The following EXOC6B variants were observed in gnomAD, a reference collection of about 807,000 sequenced individuals.
The protein encoded by EXOC6B is exocyst complex component 6B.
A neutral mutation model predicts 113.5 loss-of-function variants in EXOC6B; 54 were observed. The observed-to-expected ratio is 0.48, with a 90% CI of 0.38 to 0.60. The LOEUF (loss-of-function observed/expected upper bound fraction) is 0.60. EXOC6B is among the 20% of genes least tolerant of loss of function. The pLI, the probability that EXOC6B is intolerant of heterozygous loss-of-function variation, is 0.00. For missense variants in EXOC6B, 797 were observed against 977.5 expected, an observed-to-expected ratio of 0.82 and a Z score of 2.46; for synonymous variants, 357 against 339.0, an observed-to-expected ratio of 1.05 and a Z score of -0.58.
At chr2:72,756,826 G>A (rs1257604606) in intron 1 of EXOC6B, among the ~76,000 whole-genome samples, 1 of 151,994 alleles carries the variant, frequency 6.6e-6, no homozygotes, top group Non-Finnish European at 1.5e-5. Context: ...AAAAGGATGA[G>A]GGAAAGGAAA....
chr2:72,675,384 T>G (rs546030005), intron 6 of EXOC6B, among the ~76,000 whole-genome samples: 3 of 152,248 alleles, frequency 2.0e-5, no homozygotes, highest in Non-Finnish European at 4.4e-5. Context: ...TAAATGACTG[T>G]GCAAACTGGA....
At chr2:72,637,934 T>C (rs1201936464) in intron 6 of EXOC6B, among the ~76,000 whole-genome samples, 1 of 151,842 alleles carries the variant, frequency 6.6e-6, no homozygotes, top group Non-Finnish European at 1.5e-5. Context: ...CAAAAAAATC[T>C]AACCATGCAT....
intron 11 of EXOC6B, among the ~76,000 whole-genome samples, chr2:72,501,100 A>G (rs939145400): frequency 1.3e-5 from 2 of 152,156 alleles, no homozygotes; most frequent in Non-Finnish European, 2.9e-5. Context: ...TAATATATGA[A>G]TATCTCCTAT....
intron 18 of EXOC6B, among the ~76,000 whole-genome samples, chr2:72,418,054 TACC>T (rs1694642976): frequency 6.6e-6 from 1 of 152,182 alleles, no homozygotes. Context: ...TTTTCTATCT[TACC>T]ACAGTTTCTT....
intron 20 of EXOC6B, among the ~76,000 whole-genome samples, chr2:72,234,368 G>C (rs62147600): frequency 0.038 from 5,837 of 152,072 alleles, 136 homozygotes; most frequent in Non-Finnish European, 0.051. Flanking sequence ...CAGGTGTGAG[G>C]CACTGCGCCC....
rs574094256 is a variant in EXOC6B, at chr2:72,178,411, A to G, written c.*924T>C. The G allele has an allele frequency of 6.6e-6, 1 of 152,364 alleles. No individual in the cohort carries two copies. The highest frequency in any genetic ancestry group is 1.9e-4 in the East Asian group (1 of 5,186). 9.4% of individuals were successfully genotyped at this position (152,364 alleles called of 1,614,324 possible). ...CCATTTTTAGGCTTCCGAAATCTGA[A>G]CTATTTCAATGGCATTACTGGAGGA... is the stretch of plus-strand genomic sequence containing the variant. On this transcript the variant is annotated 3_prime_UTR_variant, in exon 22 of 22. Coordinates refer to ENST00000272427, the MANE Select transcript of EXOC6B (RefSeq NM_015189.3).
intron 1 of EXOC6B, among the ~76,000 whole-genome samples, chr2:72,763,727 T>C (rs986755254): frequency 6.6e-6 from 1 of 152,108 alleles, no homozygotes; most frequent in African/African-American, 2.4e-5. Context: ...CCCAGCCCAA[T>C]TTGAACTTTT....
At chr2:72,245,920 A>T (rs902717987) in intron 20 of EXOC6B, among the ~76,000 whole-genome samples, 2 of 152,234 alleles carry the variant, frequency 1.3e-5, no homozygotes, top group Non-Finnish European at 2.9e-5. Flanking sequence ...AGAATGATTT[A>T]AAAAACAAAA....
At chr2:72,350,221 C>T (rs1436291010) in intron 19 of EXOC6B, among the ~76,000 whole-genome samples, 6 of 151,950 alleles carry the variant, frequency 3.9e-5, no homozygotes, top group Admixed American at 3.3e-4. Context: ...TATTAAAGAC[C>T]GTTTTTGATA....
chr2:72,518,454 G>A (rs1419064884), intron 8 of EXOC6B, among the ~76,000 whole-genome samples: 2 of 150,924 alleles, frequency 1.3e-5, no homozygotes, highest in African/African-American at 4.9e-5. Flanking sequence ...ATATTAAAAT[G>A]AACTACAGAA....
intron 1 of EXOC6B, among the ~76,000 whole-genome samples, chr2:72,811,003 C>T (rs181124221): frequency 5.9e-5 from 9 of 151,796 alleles, no homozygotes; most frequent in Admixed American, 1.3e-4. Context: ...ATCACATCAC[C>T]GCACTCTAGT....
At chr2:72,414,713 T>TTGACAGA (rs1169314601) in intron 18 of EXOC6B, among the ~76,000 whole-genome samples, 2 of 152,164 alleles carry the variant, frequency 1.3e-5, no homozygotes, top group Non-Finnish European at 2.9e-5. Flanking sequence ...TCAAGTCAGT[T>TTGACAGA]TGACAGATTC....
intron 20 of EXOC6B, among the ~76,000 whole-genome samples, chr2:72,234,304 T>C (rs1573052662): frequency 6.6e-6 from 1 of 151,956 alleles, no homozygotes; most frequent in Non-Finnish European, 1.5e-5. Context: ...AGGCTGGTCT[T>C]GAACTCCTGA....
intron 20 of EXOC6B, among the ~76,000 whole-genome samples, chr2:72,319,866 C>T (rs1687747300): frequency 6.6e-6 from 1 of 151,416 alleles, no homozygotes; most frequent in Admixed American, 6.6e-5. Flanking sequence ...GACGAAGTCT[C>T]GCTCTGTCGC....
At chr2:72,277,877 T>A (rs1443253632) in intron 20 of EXOC6B, among the ~76,000 whole-genome samples, 1 of 152,118 alleles carries the variant, frequency 6.6e-6, no homozygotes, top group Non-Finnish European at 1.5e-5. Flanking sequence ...ATCATCTCCA[T>A]TCTGTAACCC....
chr2:72,624,495 A>T (rs769622971), intron 6 of EXOC6B, among the ~76,000 whole-genome samples: 1 of 152,170 alleles, frequency 6.6e-6, no homozygotes, highest in South Asian at 2.1e-4. Context: ...AATCCTGCCA[A>T]TTTGGGAGGC....
rs142905028 is a variant in EXOC6B, at chr2:72,234,135, G to A, written c.2197-49948C>T. 3.9e-3 allele frequency among the ~76,000 whole-genome samples: 574 copies of A among 148,168 alleles called. 10 individuals are homozygous for A. The highest frequency in any genetic ancestry group is 0.014 in the African/African-American group (559 of 39,118). On this transcript the variant is annotated intron_variant, in intron 20 of 21. Transcript: ENST00000272427. ...AGAGTCTTAGGCTGACGCCTAGGCT[G>A]GAGTGCAGTGGTGCAATCTCAGCTC...
At chr2:72,642,105 G>A (rs1244045600) in intron 6 of EXOC6B, among the ~76,000 whole-genome samples, 1 of 152,120 alleles carries the variant, frequency 6.6e-6, no homozygotes, top group Non-Finnish European at 1.5e-5. Context: ...AAAGACCAAA[G>A]GTAGATAAAA....
chr2:72,571,460 C>A (rs1704504715), intron 7 of EXOC6B, among the ~76,000 whole-genome samples: 1 of 151,916 alleles, frequency 6.6e-6, no homozygotes, highest in South Asian at 2.1e-4. Flanking sequence ...TTCATATAGT[C>A]CAACCTTAAT....
Sources: allele counts gnomAD v4.1 joint callset (sites outside exome capture counted in the v4.1 genomes callset), GRCh38; gene constraint gnomAD v4.1.1; transcripts MANE v1.5; gene names NCBI Gene and HGNC (gene_info 2026-07-23, HGNC 2026-07-21).